Variants in PCLO observed in about 807,000 individuals in gnomAD.
PCLO encodes protein piccolo.
Under a neutral mutation model 427.5 loss-of-function variants are expected in PCLO, and 82 were observed. That is an observed-to-expected ratio of 0.19 (90% CI 0.16 to 0.23). The LOEUF is 0.23. Among genes scored for constraint, PCLO ranks in the 10% least tolerant of loss-of-function variants. The pLI, the probability that PCLO is intolerant of heterozygous loss-of-function variation, is 1.00. For synonymous variants in PCLO, 2,357 were observed against 2,155.4 expected (o/e 1.09, Z -2.59); for missense variants, 6,239 against 6,115.9 (o/e 1.02, Z -0.67).
At position 82,954,985 on chromosome 7, in the gene PCLO, C is replaced by G. The variant is rs755562385; in HGVS notation, c.5968G>C (p.Glu1990Gln). ...TGTTCTGAAAGTCTTATCTTTTGCT[C>G]TCTTCCTTTCTGCTGCATAAATCCA... is the stretch of plus-strand genomic sequence containing the variant. ...ENGFMQQKGR[E>Q]QKIRLSEQIY... is the part of the protein sequence containing the mutation. The change falls in exon 5 of 25, where the codon GAG becomes CAG. Residue 1990 changes from glutamate (E) to glutamine (Q), a missense_variant. Around this residue, in one of 5 missense-constraint regions of PCLO, gnomAD observed 4,677 missense variants for 4,468.4 expected, o/e 1.05. Transcript: ENST00000333891. 116 of 1,613,698 alleles carry G rather than the reference C, an allele frequency of 7.2e-5. No individual in the cohort carries two copies. The highest frequency in any genetic ancestry group is 9.7e-5 in the Non-Finnish European group (114 of 1,179,882).
intron 3 of PCLO, among the ~76,000 whole-genome samples, chr7:83,060,964 G>A (rs1583972209): frequency 6.6e-6 from 1 of 152,148 alleles, no homozygotes; most frequent in Admixed American, 6.5e-5. Flanking sequence ...AACACTGTAA[G>A]GTTTTAATTA....
At chr7:82,967,625 C>CT in intron 3 of PCLO, among the ~76,000 whole-genome samples, 1 of 152,234 alleles carries the variant, frequency 6.6e-6, no homozygotes, top group Non-Finnish European at 1.5e-5. Flanking sequence ...GAGGACCTGC[C>CT]TTTTTGATAA....
chr7:83,022,474 C>T (rs533850122), intron 3 of PCLO, among the ~76,000 whole-genome samples: 9 of 152,146 alleles, frequency 5.9e-5, no homozygotes, highest in South Asian at 2.1e-4. Flanking sequence ...TACCAGGACC[C>T]GATTCTTCAG....
intron 3 of PCLO, among the ~76,000 whole-genome samples, chr7:83,118,524 T>C (rs1791190502): frequency 6.8e-6 from 1 of 147,168 alleles, no homozygotes; most frequent in Non-Finnish European, 1.5e-5. Flanking sequence ...AGAGAGAGAA[T>C]TTCTACCCTT....
intron 3 of PCLO, among the ~76,000 whole-genome samples, chr7:83,102,430 T>C (rs1383264869): frequency 6.6e-6 from 1 of 152,020 alleles, no homozygotes; most frequent in Admixed American, 6.6e-5. Context: ...TTATATTTCA[T>C]GTCTTTTACA....
intron 3 of PCLO, among the ~76,000 whole-genome samples, chr7:82,984,807 T>C (rs139714517): frequency 6.6e-6 from 1 of 152,098 alleles, no homozygotes; most frequent in Non-Finnish European, 1.5e-5. Flanking sequence ...ACTTCTGAAG[T>C]TGAGCTAGGA....
intron 10 of PCLO, among the ~76,000 whole-genome samples, chr7:82,879,099 T>A (rs537333868): frequency 6.6e-6 from 1 of 152,168 alleles, no homozygotes; most frequent in South Asian, 2.1e-4. Context: ...TTTTGACTAG[T>A]GTTTCTTAAA....
Position 82,955,753 on chromosome 7 carries a change from C to G in PCLO, c.5200G>C (p.Val1734Leu), listed in dbSNP as rs564004901. 3.1e-6 allele frequency: 5 copies of G among 1,613,880 alleles called. No individual in the cohort carries two copies. In the South Asian group the frequency reaches 4.4e-5, roughly 14 times the overall value. ...SFTPGTSPTS[V>L]SSLDEDSDSS... The stretch of plus-strand genomic sequence containing the variant: ...TCACTGTCCTCATCAAGTGATGATA[C>G]TGATGTAGGGGATGTACCAGGAGTG... Residue 1734 changes from valine (V) to leucine (L), a missense_variant, in exon 5 of 25, where the codon GTA becomes CTA. By Grantham distance (32) the Val-to-Leu change is conservative (BLOSUM62 1). Around this residue, in one of 5 missense-constraint regions of PCLO, gnomAD observed 4,677 missense variants for 4,468.4 expected, o/e 1.05. Coordinates refer to ENST00000333891, the MANE Select transcript of PCLO (RefSeq NM_033026.6).
intron 22 of PCLO, among the ~76,000 whole-genome samples, chr7:82,777,725 A>T (rs1790784405): frequency 6.6e-6 from 1 of 152,130 alleles, no homozygotes; most frequent in Admixed American, 6.6e-5. Context: ...TTGAAACTGG[A>T]CCCCTTCCTT....
rs1205239922 is a variant in PCLO, at chr7:82,761,490, T to C, written c.15011A>G (p.Lys5004Arg). 1 of 1,594,798 alleles carries C rather than the reference T, an allele frequency of 6.3e-7. No homozygotes were observed. Reference protein sequence around the residue: ...VGVGLADTEAKTQVMGEIKIA... With the variant: ...VGVGLADTEARTQVMGEIKIA... ...CTTGATTTCTCCCATTACCTGAGTT[T>C]TAGCTGGGAGAATTTAATAAAAATG... The change falls in exon 23 of 25, where the codon AAA (lysine) becomes AGA (arginine). Residue 5004 changes from lysine to arginine, a missense_variant. Physicochemically the swap from Lys to Arg is conservative, Grantham distance 26. Coordinates refer to ENST00000333891, the MANE Select transcript of PCLO (RefSeq NM_033026.6).
intron 3 of PCLO, among the ~76,000 whole-genome samples, chr7:83,066,890 C>A (rs1284234104): frequency 6.6e-6 from 1 of 152,048 alleles, no homozygotes; most frequent in Non-Finnish European, 1.5e-5. Flanking sequence ...TGTAAAATAA[C>A]AACACAGATT....
At chr7:83,026,721 C>A (rs952520363) in intron 3 of PCLO, among the ~76,000 whole-genome samples, 5 of 151,994 alleles carry the variant, frequency 3.3e-5, no homozygotes, top group African/African-American at 2.4e-5. Flanking sequence ...CTCTCCTCAG[C>A]AAATGTAAAA....
intron 9 of PCLO, among the ~76,000 whole-genome samples, chr7:82,897,264 C>A (rs1190410663): frequency 6.6e-6 from 1 of 151,532 alleles, no homozygotes; most frequent in Non-Finnish European, 1.5e-5. Context: ...AACGTATTAC[C>A]TATTCTTTCC....
Position 82,760,711 on chromosome 7 carries a change from G to C in PCLO, c.15216C>G (p.Cys5072Trp). 1 of 1,589,860 alleles carries C rather than the reference G, an allele frequency of 6.3e-7. No individual in the cohort carries two copies. Among genetic ancestry groups the C allele is most frequent in the Non-Finnish European group, 8.6e-7 (1 of 1,161,136 alleles). The stretch of plus-strand genomic sequence containing the variant: ...TAAACGAAGGCTCTCGATCATGTCT[G>C]CATACTCTTGTTTTTTTCTTGATCA... The part of the protein sequence containing the change: ...KKVIKKKTRV[C>W]RHDREPSFNE... Residue 5072 changes from cysteine to tryptophan, a missense_variant, in exon 24 of 25, where the codon TGC (cysteine) becomes TGG (tryptophan). This residue lies in a region of PCLO where 877 missense variants were observed against 925.5 expected (regional missense o/e 0.95). Transcript: ENST00000333891.
At chr7:82,834,019 T>C (rs1278790953) in intron 16 of PCLO, among the ~76,000 whole-genome samples, 3 of 152,134 alleles carry the variant, frequency 2.0e-5, no homozygotes, top group Non-Finnish European at 4.4e-5. Flanking sequence ...GTCAATATAA[T>C]TCCCTCTTAC....
intron 14 of PCLO, among the ~76,000 whole-genome samples, chr7:82,840,686 T>C (rs1792344932): frequency 6.6e-6 from 1 of 152,078 alleles, no homozygotes; most frequent in African/African-American, 2.4e-5. Flanking sequence ...GTTTCTGTTA[T>C]CCTTTGTGAA....
rs61169701 is a variant in PCLO at position 83,093,493 on chromosome 7, T to TATA, written c.3300+40756_3300+40757insTAT. Among the ~76,000 whole-genome samples, 102 of 63,612 alleles carry TATA rather than the reference T, an allele frequency of 1.6e-3. 2 individuals are homozygous for TATA. Among genetic ancestry groups the TATA allele is most frequent in the African/African-American group, 6.5e-3 (99 of 15,336 alleles). The allele number at this position is 63,612 out of a possible 152,430, so 41.7% of individuals were successfully genotyped here. A position where few individuals can be genotyped will look rare whatever the true frequency, so the allele number is the denominator to read the frequency against. On this transcript the variant is annotated intron_variant, in intron 3 of 24. Transcript: ENST00000333891. ...GTGTGTATAGATATATATATATATA[T>TATA]TTTTTTTTTTTTTTTTTGAGATGGA...
At chr7:82,990,729 C>T (rs1409632891) in intron 3 of PCLO, among the ~76,000 whole-genome samples, 1 of 152,048 alleles carries the variant, frequency 6.6e-6, no homozygotes, top group Non-Finnish European at 1.5e-5. Context: ...ATTATATATG[C>T]TATCTCCCCA....
intron 6 of PCLO, among the ~76,000 whole-genome samples, chr7:82,934,929 T>C (rs1261868213): frequency 6.6e-6 from 1 of 151,524 alleles, no homozygotes; most frequent in Non-Finnish European, 1.5e-5. Context: ...AAAGCCATAA[T>C]TCTCTAATAG....
Sources: allele counts gnomAD v4.1 joint callset (sites outside exome capture counted in the v4.1 genomes callset), GRCh38; gene constraint gnomAD v4.1.1; regional missense constraint gnomAD v4.1.1; transcripts MANE v1.5; gene names NCBI Gene and HGNC (gene_info 2026-07-23, HGNC 2026-07-21).